Variants in GALNT17 observed in about 807,000 individuals in gnomAD.
The protein encoded by GALNT17 is UDP-GalNAc:polypeptide N-acetylgalactosaminyltransferase-like 3.
GALNT17 carries 29 observed loss-of-function variants against 63.7 expected under a neutral mutation model. The observed-to-expected ratio is 0.46, with a 90% CI of 0.34 to 0.62. GALNT17 has a LOEUF of 0.62. GALNT17 is among the 20% of genes least tolerant of loss of function. GALNT17 has a pLI of 0.01. For synonymous variants in GALNT17, 305 were observed against 318.3 expected (o/e 0.96, Z 0.45); for missense variants, 603 against 799.6 (o/e 0.75, Z 2.97).
At chr7:71,523,260 A>G (rs1788559646) in intron 5 of GALNT17, among the ~76,000 whole-genome samples, 1 of 152,156 alleles carries the variant, frequency 6.6e-6, no homozygotes, top group Non-Finnish European at 1.5e-5. Flanking sequence ...CCCCATCTCT[A>G]CAAAATAATT....
chr7:71,183,186 A>G (rs1360458746), intron 1 of GALNT17, among the ~76,000 whole-genome samples: 1 of 151,982 alleles, frequency 6.6e-6, no homozygotes, highest in African/African-American at 2.4e-5. Flanking sequence ...TAAGTAATCG[A>G]GCCTAGTGCT....
chr7:71,437,552 C>T (rs567057629), intron 5 of GALNT17, among the ~76,000 whole-genome samples: 17 of 152,296 alleles, frequency 1.1e-4, no homozygotes, highest in African/African-American at 3.8e-4. Context: ...CTCTGCGTGG[C>T]CGTCCACAGC....
rs150333051 is a variant in GALNT17 at position 71,599,153 on chromosome 7, G to A, written c.1080+27751G>A. Among the ~76,000 whole-genome samples, 181 of 152,138 alleles carry A rather than the reference G, an allele frequency of 1.2e-3. 1 individual carries two copies. Among genetic ancestry groups the A allele is most frequent in the African/African-American group, 4.2e-3 (176 of 41,494 alleles). On this transcript the variant is annotated intron_variant, in intron 6 of 10. Transcript: ENST00000333538. ...GCCTCATGGGACACCATGAGTCTTG[G>A]GAACTTTATCTCAACTTTAATGAGA...
At chr7:71,165,447 G>A (rs762630387) in intron 1 of GALNT17, among the ~76,000 whole-genome samples, 15 of 148,612 alleles carry the variant, frequency 1.0e-4, no homozygotes, top group Non-Finnish European at 1.6e-4. Context: ...TGAAAGGCAC[G>A]TTTCACATGG....
At chr7:71,160,075 G>A (rs976419228) in intron 1 of GALNT17, among the ~76,000 whole-genome samples, 3 of 152,038 alleles carry the variant, frequency 2.0e-5, no homozygotes, top group Non-Finnish European at 2.9e-5. Context: ...GTGAGCCACC[G>A]TACCCAACCA....
At chr7:71,643,849 CAACT>C (rs1162085485) in intron 6 of GALNT17, among the ~76,000 whole-genome samples, 5 of 152,198 alleles carry the variant, frequency 3.3e-5, no homozygotes, top group Non-Finnish European at 7.3e-5. Context: ...TTCCCTTTAT[CAACT>C]CCACAGCTGG....
intron 1 of GALNT17, among the ~76,000 whole-genome samples, chr7:71,146,765 C>G (rs1788031317): frequency 6.6e-6 from 1 of 152,174 alleles, no homozygotes; most frequent in Non-Finnish European, 1.5e-5. Flanking sequence ...AGAAGTTTTC[C>G]CTTTTAATCA....
chr7:71,345,161 T>C (rs534308624), intron 2 of GALNT17, among the ~76,000 whole-genome samples: 1 of 146,158 alleles, frequency 6.8e-6, no homozygotes, highest in South Asian at 2.2e-4. Flanking sequence ...TTTTTTTTTG[T>C]TTTTTTTTGC....
intron 1 of GALNT17, among the ~76,000 whole-genome samples, chr7:71,282,932 A>G (rs939919094): frequency 6.6e-6 from 1 of 152,018 alleles, no homozygotes; most frequent in Non-Finnish European, 1.5e-5. Flanking sequence ...GACCGAAGGC[A>G]GGAGGGGTTC....
Position 71,420,920 on chromosome 7 carries a change from T to C in GALNT17, c.777T>C (p.Val259=). The C allele has an allele frequency of 1.2e-6, 2 of 1,614,134 alleles. No individual in the cohort carries two copies. The highest frequency in any genetic ancestry group is 1.7e-6 in the Non-Finnish European group (2 of 1,180,014). ...CTCTATGTTTCAGGGCTGAGCCGGTTCTATCCCGCATCCAGGAAAACCGGA... is the reference window on the plus strand; with the variant it reads ...CTCTATGTTTCAGGGCTGAGCCGGTCCTATCCCGCATCCAGGAAAACCGGA... ...VEFTAGWAEP[V]LSRIQENRKR... The change falls in exon 5 of 11, where the codon GTT becomes GTC. Residue 259 remains valine (V), a synonymous_variant. Coordinates refer to ENST00000333538, the MANE Select transcript of GALNT17 (RefSeq NM_022479.3).
chr7:71,632,101 AAAAG>A (rs138739689), intron 6 of GALNT17, among the ~76,000 whole-genome samples: 38,223 of 151,532 alleles, frequency 0.25, 5,044 homozygotes, highest in Non-Finnish European at 0.29. Context: ...AAAAAAAAGA[AAAAG>A]AAAAAAGACT....
chr7:71,694,532 A>T (rs1791511478), intron 9 of GALNT17, among the ~76,000 whole-genome samples: 1 of 151,982 alleles, frequency 6.6e-6, no homozygotes, highest in Non-Finnish European at 1.5e-5. Context: ...AGTAGCTGTG[A>T]TTACAGATGT....
At chr7:71,455,454 A>C (rs1445850832) in intron 5 of GALNT17, among the ~76,000 whole-genome samples, 3 of 148,760 alleles carry the variant, frequency 2.0e-5, no homozygotes, top group Non-Finnish European at 4.5e-5. Flanking sequence ...TTTGGATTTT[A>C]TTATTTCCCA....
intron 5 of GALNT17, among the ~76,000 whole-genome samples, chr7:71,514,868 C>A (rs1004501547): frequency 6.6e-6 from 1 of 152,142 alleles, no homozygotes; most frequent in Non-Finnish European, 1.5e-5. Context: ...TTGTAGCTCC[C>A]GTAATTCCCA....
intron 1 of GALNT17, among the ~76,000 whole-genome samples, chr7:71,224,537 G>A (rs1222070440): frequency 6.6e-6 from 1 of 152,134 alleles, no homozygotes; most frequent in Non-Finnish European, 1.5e-5. Flanking sequence ...TTACCCATGT[G>A]TGCTTGGGGG....
chr7:71,221,779 C>A (rs985181579), intron 1 of GALNT17, among the ~76,000 whole-genome samples: 1 of 152,090 alleles, frequency 6.6e-6, no homozygotes, highest in African/African-American at 2.4e-5. Flanking sequence ...TTTAGACTTG[C>A]AGGAAAGTTG....
At chr7:71,139,320 C>T (rs4719077) in intron 1 of GALNT17, among the ~76,000 whole-genome samples, 20,236 of 152,102 alleles carry the variant, frequency 0.13, 2,887 homozygotes, top group East Asian at 0.48. Context: ...CTCTCCTCTC[C>T]TCAGAGTCCA....
intron 5 of GALNT17, among the ~76,000 whole-genome samples, chr7:71,562,519 C>G (rs1469926929): frequency 6.6e-6 from 1 of 152,172 alleles, no homozygotes; most frequent in Non-Finnish European, 1.5e-5. Flanking sequence ...GATCATCAGG[C>G]ATTAGATTCT....
intron 6 of GALNT17, among the ~76,000 whole-genome samples, chr7:71,607,978 A>G (rs1790071065): frequency 1.3e-5 from 2 of 152,140 alleles, no homozygotes; most frequent in South Asian, 4.1e-4. Context: ...CATACCTGTA[A>G]AATCCAGTGA....
Sources: allele counts gnomAD v4.1 joint callset (sites outside exome capture counted in the v4.1 genomes callset), GRCh38; gene constraint gnomAD v4.1.1; transcripts MANE v1.5; gene names NCBI Gene and HGNC (gene_info 2026-07-23, HGNC 2026-07-21).